PCDHAC2: variants seen among roughly 807,000 people sequenced by gnomAD.
The protein encoded by PCDHAC2 is protocadherin alpha-C2.
A neutral mutation model predicts 63.3 loss-of-function variants in PCDHAC2; 24 were observed. The observed-to-expected ratio is 0.38, with a 90% CI of 0.27 to 0.53. PCDHAC2 has a LOEUF of 0.53. Ranked by LOEUF, PCDHAC2 falls within the 20% of genes least tolerant of loss-of-function variation. The probability of loss-of-function intolerance (pLI) is 0.81; values close to 1 mark genes in which losing one functional copy is unlikely to be tolerated. For synonymous variants in PCDHAC2, 569 were observed against 529.4 expected (o/e 1.07, Z -1.03); for missense variants, 1,181 against 1,275.2 (o/e 0.93, Z 1.12).
intron 3 of PCDHAC2, among the ~76,000 whole-genome samples, chr5:141,003,622 A>G (rs1554259173): frequency 6.6e-6 from 1 of 152,196 alleles, no homozygotes; most frequent in Non-Finnish European, 1.5e-5. Context: ...CCCAGAGGGC[A>G]GTTTTTAAAG....
At chr5:140,989,060 G>A (rs1233023153) in intron 3 of PCDHAC2, 1 of 152,138 alleles carries the variant, frequency 6.6e-6, no homozygotes, top group Non-Finnish European at 1.5e-5. Context: ...CTACATTGAG[G>A]CAATACAGTC....
At chr5:141,003,087 G>T (rs894210434) in intron 3 of PCDHAC2, among the ~76,000 whole-genome samples, 2 of 152,198 alleles carry the variant, frequency 1.3e-5, no homozygotes, top group African/African-American at 4.8e-5. Context: ...AGTTTAACAG[G>T]CCTGGCATTT....
In PCDHAC2 at chr5:141,010,018, T is replaced by G. The variant is rs1257083450; in HGVS notation, c.*81T>G. On this transcript the variant is annotated 3_prime_UTR_variant, in exon 4 of 4. Coordinates refer to ENST00000289269, the MANE Select transcript of PCDHAC2 (RefSeq NM_018899.6). ...TCCCATGTAGCAATTCCCTGCTCCTTTTTCCTATCTACATGAGCCCTCTTA... is the reference window on the plus strand; with the variant it reads ...TCCCATGTAGCAATTCCCTGCTCCTGTTTCCTATCTACATGAGCCCTCTTA... 2.5e-5 allele frequency: 40 copies of G among 1,571,834 alleles called. No homozygotes were observed. Among genetic ancestry groups the G allele is most frequent in the Non-Finnish European group, 3.4e-5 (39 of 1,163,118 alleles).
At chr5:141,007,804 A>G (rs966389410) in intron 3 of PCDHAC2, among the ~76,000 whole-genome samples, 1 of 152,204 alleles carries the variant, frequency 6.6e-6, no homozygotes, top group Non-Finnish European at 1.5e-5. Context: ...TTTATCTGCC[A>G]TTCATTTGCC....
intron 1 of PCDHAC2, among the ~76,000 whole-genome samples, chr5:140,972,686 AT>A (rs2096549556): frequency 8.3e-6 from 1 of 120,944 alleles, no homozygotes; most frequent in African/African-American, 3.2e-5. Context: ...TTTTTTTGAG[AT>A]GGAGTCTCAC....
At chr5:141,005,220 C>T (rs2098201724) in intron 3 of PCDHAC2, among the ~76,000 whole-genome samples, 1 of 152,192 alleles carries the variant, frequency 6.6e-6, no homozygotes, top group Admixed American at 6.5e-5. Flanking sequence ...CAAGTATTTA[C>T]TAAACACCTG....
Position 140,968,152 on chromosome 5 carries a change from C to A in PCDHAC2, c.1386C>A (p.Ile462=), listed in dbSNP as rs782362724. The change falls in exon 1 of 4, where the codon ATC becomes ATA. Residue 462 remains isoleucine (I), a synonymous_variant. Transcript: ENST00000289269. ...LRTLKVEISD[I]NDNPPSFLED... The stretch of plus-strand genomic sequence containing the variant: ...CACTGAAGGTTGAGATCTCTGACAT[C>A]AATGACAATCCACCAAGCTTCCTGG... 3.7e-6 allele frequency: 6 copies of A among 1,614,054 alleles called. No homozygotes were observed. Among genetic ancestry groups the A allele is most frequent in the Non-Finnish European group, 1.7e-6 (2 of 1,180,050 alleles).
In PCDHAC2 at chr5:140,994,514, G is replaced by A. The variant is rs186617066; in HGVS notation, c.2713+11951G>A. On this transcript the variant is annotated intron_variant, in intron 3 of 3. Transcript: ENST00000289269. Reference sequence around the variant, plus strand: ...ACCCAGGAGTTTGAGAACAGCCTGGGCAACATGGCAAAACCCCATCTCTAC... The same window carrying A: ...ACCCAGGAGTTTGAGAACAGCCTGGACAACATGGCAAAACCCCATCTCTAC... Among the ~76,000 whole-genome samples, 76 of 150,406 alleles carry A rather than the reference G, an allele frequency of 5.1e-4. 1 individual carries two copies. The highest frequency in any genetic ancestry group is 8.8e-5 in the Non-Finnish European group (6 of 67,822).
At chr5:140,986,954 C>T (rs2097219916) in intron 3 of PCDHAC2, among the ~76,000 whole-genome samples, 1 of 152,154 alleles carries the variant, frequency 6.6e-6, no homozygotes, top group African/African-American at 2.4e-5. Context: ...TCGCTCATGC[C>T]TGTAATTCCA....
intron 3 of PCDHAC2, among the ~76,000 whole-genome samples, chr5:141,002,815 T>G (rs1554258803): frequency 6.6e-6 from 1 of 152,176 alleles, no homozygotes; most frequent in African/African-American, 2.4e-5. Flanking sequence ...GGCTCAGAGA[T>G]ATTTATGTAA....
At chr5:140,974,377 A>G (rs1356669539) in intron 1 of PCDHAC2, among the ~76,000 whole-genome samples, 1 of 152,190 alleles carries the variant, frequency 6.6e-6, no homozygotes, top group Non-Finnish European at 1.5e-5. Flanking sequence ...TTTCTGTTGT[A>G]CTGGAACCCA....
chr5:140,983,100 T>C (rs2097027056), intron 3 of PCDHAC2, among the ~76,000 whole-genome samples: 1 of 152,232 alleles, frequency 6.6e-6, no homozygotes, highest in African/African-American at 2.4e-5. Flanking sequence ...AATCTGCTTC[T>C]CTCTGCACAT....
intron 3 of PCDHAC2, among the ~76,000 whole-genome samples, chr5:141,000,416 TA>T (rs1479552208): frequency 1.6e-3 from 150 of 93,344 alleles, no homozygotes; most frequent in Non-Finnish European, 2.1e-3. Flanking sequence ...TATATATATA[TA>T]TATATTTTTT....
chr5:140,992,017 CTGTGTGTGTGTG>C (rs10602499), intron 3 of PCDHAC2, among the ~76,000 whole-genome samples: 3 of 145,512 alleles, frequency 2.1e-5, no homozygotes, highest in South Asian at 2.2e-4. Flanking sequence ...AGAGGTGGCT[CTGTGTGTGTGTG>C]TGTGTGTGTG....
rs782644202 is a variant in PCDHAC2 at position 140,967,974 on chromosome 5, G to A, written c.1208G>A (p.Gly403Asp). Residue 403 changes from glycine (G) to aspartate (D), a missense_variant, in exon 1 of 4, where the codon GGT (glycine) becomes GAT (aspartate). Coordinates refer to ENST00000289269, the MANE Select transcript of PCDHAC2 (RefSeq NM_018899.6). ...GGCCCCAACCGGAAAGTGAGCCTGGGTCTGGAGGCCACACTGCCTTTCCGA... is the reference window on the plus strand; with the variant it reads ...GGCCCCAACCGGAAAGTGAGCCTGGATCTGGAGGCCACACTGCCTTTCCGA... ...DSGPNRKVSLGLEATLPFRLN... is the reference protein window; with the variant it reads ...DSGPNRKVSLDLEATLPFRLN... 1.9e-6 allele frequency: 3 copies of A among 1,614,204 alleles called. No individual in the cohort carries two copies. Among genetic ancestry groups the A allele is most frequent in the South Asian group, 1.1e-5 (1 of 91,078 alleles).
intron 1 of PCDHAC2, among the ~76,000 whole-genome samples, chr5:140,972,289 G>A (rs548610825): frequency 1.5e-3 from 229 of 151,134 alleles, no homozygotes; most frequent in Non-Finnish European, 2.1e-3. Flanking sequence ...ATAGATGTGC[G>A]CCACCGTGTC....
rs2098422979 is a variant in PCDHAC2, at chr5:141,012,116, T to C, written c.*2179T>C. The C allele has an allele frequency of 6.5e-6, 1 of 153,756 alleles. No individual in the cohort carries two copies. Among genetic ancestry groups the C allele is most frequent in the African/African-American group, 2.4e-5 (1 of 41,464 alleles). The allele number at this position is 153,756 out of a possible 1,614,324, so 9.5% of individuals were successfully genotyped here. ...GATCATTTTGCCCCACTGAAGCCCA[T>C]GTATCTGACCTTACGTGCCTTTTGA... On this transcript the variant is annotated 3_prime_UTR_variant, in exon 4 of 4. Coordinates refer to ENST00000289269, the MANE Select transcript of PCDHAC2 (RefSeq NM_018899.6).
intron 3 of PCDHAC2, among the ~76,000 whole-genome samples, chr5:140,998,830 C>G (rs1385890461): frequency 6.6e-6 from 1 of 152,200 alleles, no homozygotes; most frequent in African/African-American, 2.4e-5. Flanking sequence ...TCCCAAAGTG[C>G]TGGATTACTG....
At position 141,011,317 on chromosome 5, in the gene PCDHAC2, T is replaced by C. The variant is rs1554263417; in HGVS notation, c.*1380T>C. On this transcript the variant is annotated 3_prime_UTR_variant, in exon 4 of 4. Transcript: ENST00000289269. ...TAACACTCTGAATTGCTAATCTTAC[T>C]AACACCTATGATGTTACCTGAAATC... 1 of 153,818 alleles carries C rather than the reference T, an allele frequency of 6.5e-6. No homozygotes were observed. The highest frequency in any genetic ancestry group is 2.4e-5 in the African/African-American group (1 of 41,470). 9.5% of individuals were successfully genotyped at this position (153,818 alleles called of 1,614,324 possible).
Sources: gnomAD v4.1 joint callset for allele counts (sites outside exome capture counted in the v4.1 genomes callset) on GRCh38, gnomAD v4.1.1 for gene constraint, MANE v1.5 for transcripts, NCBI Gene and HGNC (gene_info 2026-07-23, HGNC 2026-07-21) for gene names.